CLMP: variants seen among roughly 807,000 people sequenced by gnomAD.
CLMP encodes CXADR like cell adhesion molecule, also known as CXADR-like membrane protein.
Under a neutral mutation model 45.2 loss-of-function variants are expected in CLMP, and 27 were observed. The observed-to-expected ratio is 0.60, with a 90% CI of 0.44 to 0.82. The LOEUF (loss-of-function observed/expected upper bound fraction) is 0.82. Among genes scored for constraint, CLMP ranks in the 40% least tolerant of loss-of-function variants. CLMP has a pLI of 0.00. For synonymous variants in CLMP, 167 were observed against 171.4 expected, an observed-to-expected ratio of 0.97 and a Z score of 0.20; for missense variants, 403 against 448.4, an observed-to-expected ratio of 0.90 and a Z score of 0.91.
At chr11:123,134,321 G>A (rs1254863806) in intron 1 of CLMP, among the ~76,000 whole-genome samples, 2 of 151,694 alleles carry the variant, frequency 1.3e-5, no homozygotes, top group African/African-American at 4.8e-5. Flanking sequence ...CCCAGCAAAG[G>A]ACCAAAAAGG....
chr11:123,160,299 A>AG (rs1239785435), intron 1 of CLMP, among the ~76,000 whole-genome samples: 1 of 151,214 alleles, frequency 6.6e-6, no homozygotes, highest in African/African-American at 2.4e-5. Flanking sequence ...AAAAAAAAAA[A>AG]AAAAAGGAAA....
chr11:123,148,208 T>G lies in CLMP; in HGVS notation c.28+46705A>C, dbSNP rs1861266571. 2.6e-5 allele frequency among the ~76,000 whole-genome samples: 4 copies of G among 152,330 alleles called. No homozygotes were observed. In the South Asian group the frequency reaches 8.3e-4, roughly 32 times the overall value. ...GTGCTACGTAAGTGTAGCTGTTATGTTTAGGGCCGCAGGGCTTTTAAGTGG... is the reference window on the plus strand; with the variant it reads ...GTGCTACGTAAGTGTAGCTGTTATGGTTAGGGCCGCAGGGCTTTTAAGTGG... On this transcript the variant is annotated intron_variant, in intron 1 of 6. Transcript: ENST00000448775.
At chr11:123,166,922 A>G (rs1861565762) in intron 1 of CLMP, among the ~76,000 whole-genome samples, 2 of 152,166 alleles carry the variant, frequency 1.3e-5, no homozygotes, top group Non-Finnish European at 2.9e-5. Flanking sequence ...TTACGTGTCA[A>G]TTAGAAACAA....
chr11:123,189,181 T>C (rs2135552998), intron 1 of CLMP, among the ~76,000 whole-genome samples: 1 of 152,314 alleles, frequency 6.6e-6, no homozygotes, highest in Middle Eastern at 3.4e-3. Context: ...GGATGGGTAA[T>C]AAATGTTTAG....
chr11:123,074,908 C>CA (rs1865718530), intron 5 of CLMP, 65 bp from the exon 6 acceptor site: 5 of 1,523,676 alleles, frequency 3.3e-6, no homozygotes, highest in African/African-American at 2.8e-5. Flanking sequence ...GTTATTAACT[C>CA]AAAAAACATA....
chr11:123,115,440 A>G (rs186834160), intron 1 of CLMP, among the ~76,000 whole-genome samples: 70 of 152,254 alleles, frequency 4.6e-4, no homozygotes, highest in Non-Finnish European at 9.0e-4. Flanking sequence ...TTTGGAATAG[A>G]TTAAATATTA....
At chr11:123,126,713 C>T (rs1315640478) in intron 1 of CLMP, among the ~76,000 whole-genome samples, 2 of 151,968 alleles carry the variant, frequency 1.3e-5, no homozygotes, top group African/African-American at 2.4e-5. Context: ...CTGGCAAACA[C>T]GGTGAAACCC....
At position 123,150,530 on chromosome 11, in the gene CLMP, A is replaced by AGGC. The variant is rs1591478695; in HGVS notation, c.28+44382_28+44383insGCC. Reference sequence around the variant, plus strand: ...AAGGAAGGAAGGAAGGAAGGAAGGAAAGAAACAAGCAAGGAAGGAAGGAAG... The same window carrying AGGC: ...AAGGAAGGAAGGAAGGAAGGAAGGAAGGCAGAAACAAGCAAGGAAGGAAGGAAG... On this transcript the variant is annotated intron_variant, in intron 1 of 6. Transcript: ENST00000448775. 1.5e-3 allele frequency among the ~76,000 whole-genome samples: 177 copies of AGGC among 122,046 alleles called. 1 individual carries two copies. Among genetic ancestry groups the AGGC allele is most frequent in the East Asian group, 3.0e-3 (11 of 3,636 alleles). The allele number at this position is 122,046 out of a possible 152,430, so 80.1% of individuals were successfully genotyped here. A position where few individuals can be genotyped will look rare whatever the true frequency, so the allele number is the denominator to read the frequency against.
chr11:123,074,862 A>C lies in CLMP; in HGVS notation c.680-19T>G. Reference sequence around the variant, plus strand: ...TGTACATCTATTTTCTCAGAAGCAAAAGCACAAGTAAAACCAAACGTAAGC... The same window carrying C: ...TGTACATCTATTTTCTCAGAAGCAACAGCACAAGTAAAACCAAACGTAAGC... On this transcript the variant is annotated intron_variant, in intron 5 of 6. Transcript: ENST00000448775. 1 of 1,610,324 alleles carries C rather than the reference A, an allele frequency of 6.2e-7. No homozygotes were observed.
chr11:123,145,617 T>A (rs1861228075), intron 1 of CLMP, among the ~76,000 whole-genome samples: 1 of 152,012 alleles, frequency 6.6e-6, no homozygotes, highest in Admixed American at 6.6e-5. Context: ...TGCCCGCCAC[T>A]ATGCCTGGCT....
intron 1 of CLMP, chr11:123,136,042 G>T (rs1290215510): frequency 3.4e-6 from 2 of 589,380 alleles, no homozygotes; most frequent in Non-Finnish European, 6.7e-6. Flanking sequence ...TTGTTCGCTC[G>T]TTTCTTCATC....
intron 1 of CLMP, among the ~76,000 whole-genome samples, chr11:123,176,391 T>A (rs1020806475): frequency 6.6e-6 from 1 of 152,222 alleles, no homozygotes; most frequent in Non-Finnish European, 1.5e-5. Context: ...GTATAAAGAT[T>A]CCTCTTTGAG....
At chr11:123,101,808 C>T (rs893837719) in intron 1 of CLMP, among the ~76,000 whole-genome samples, 1 of 152,202 alleles carries the variant, frequency 6.6e-6, no homozygotes, top group African/African-American at 2.4e-5. Flanking sequence ...AATGGGAGGC[C>T]ATCAGGCTGG....
chr11:123,155,065 T>C (rs965462775), intron 1 of CLMP, among the ~76,000 whole-genome samples: 8 of 152,232 alleles, frequency 5.3e-5, no homozygotes, highest in African/African-American at 1.9e-4. Context: ...CTCAGCTCAC[T>C]GCAGCCTCGA....
chr11:123,105,952 G>A (rs1014436218), intron 1 of CLMP, among the ~76,000 whole-genome samples: 1 of 151,984 alleles, frequency 6.6e-6, no homozygotes, highest in Non-Finnish European at 1.5e-5. Context: ...GAGTAGCTGG[G>A]ATTACAGGCC....
chr11:123,164,044 TAAC>T (rs1284475523), intron 1 of CLMP, among the ~76,000 whole-genome samples: 2 of 152,232 alleles, frequency 1.3e-5, no homozygotes, highest in African/African-American at 2.4e-5. Flanking sequence ...ATAGTGATAT[TAAC>T]AACAACATGG....
intron 1 of CLMP, among the ~76,000 whole-genome samples, chr11:123,175,613 A>G (rs1052333096): frequency 6.6e-6 from 1 of 152,208 alleles, no homozygotes; most frequent in Non-Finnish European, 1.5e-5. Flanking sequence ...GTGAGTCACC[A>G]CGCCCAGCTT....
intron 1 of CLMP, among the ~76,000 whole-genome samples, chr11:123,150,480 A>AAAGAAAGAAAGAAAGAAAGAAAGAAAGG (rs764502298): frequency 3.9e-4 from 16 of 40,952 alleles, no homozygotes; most frequent in Admixed American, 8.1e-4. Context: ...AGAAAGAAAG[A>AAAGAAAGAAAGAAAGAAAGAAAGAAAGG]AAGGAAGGAA....
At position 123,083,785 on chromosome 11, in the gene CLMP, A is replaced by T; in HGVS notation, c.451T>A (p.Leu151Met). The change falls in exon 4 of 7, where the codon TTG becomes ATG. Residue 151 changes from leucine to methionine, a missense_variant. Physicochemically the swap from Leu to Met is conservative, Grantham distance 15. Transcript: ENST00000448775. The part of the protein sequence containing the change: ...GELTEGSDLT[L>M]QCESSSGTEP... ...GTGCCAGAGGATGACTCACACTGCA[A>T]AGTCAGGTCACTTCCTTCTGTCAGC... is the stretch of plus-strand genomic sequence containing the variant. 6.2e-7 allele frequency: 1 copy of T among 1,613,988 alleles called. No individual in the cohort carries two copies. The highest frequency in any genetic ancestry group is 8.5e-7 in the Non-Finnish European group (1 of 1,180,030).
Sources: gnomAD v4.1 joint callset for allele counts (sites outside exome capture counted in the v4.1 genomes callset) on GRCh38, gnomAD v4.1.1 for gene constraint, MANE v1.5 for transcripts, NCBI Gene and HGNC (gene_info 2026-07-23, HGNC 2026-07-21) for gene names.